CCBE1: variants seen among roughly 807,000 people sequenced by gnomAD.
CCBE1 encodes collagen and calcium binding EGF domains 1, also known as collagen and calcium-binding EGF domain-containing protein 1.
A neutral mutation model predicts 50.0 loss-of-function variants in CCBE1; 37 were observed. The observed-to-expected ratio is 0.74, with a 90% confidence interval of 0.57 to 0.97. The LOEUF is 0.97. Among genes scored for constraint, CCBE1 ranks in the 50% least tolerant of loss-of-function variants. The pLI, the probability that CCBE1 is intolerant of heterozygous loss-of-function variation, is 0.00. For synonymous variants in CCBE1, 234 were observed against 203.7 expected (o/e 1.15, Z -1.27); for missense variants, 538 against 523.8 (o/e 1.03, Z -0.26).
At chr18:59,542,928 G>A (rs1185969869) in intron 2 of CCBE1, among the ~76,000 whole-genome samples, 1 of 152,142 alleles carries the variant, frequency 6.6e-6, no homozygotes, top group Non-Finnish European at 1.5e-5. Flanking sequence ...AACCCCACTA[G>A]GGATGAAGGC....
chr18:59,610,317 G>T (rs77454627), intron 2 of CCBE1, among the ~76,000 whole-genome samples: 7,845 of 152,100 alleles, frequency 0.052, 555 homozygotes, highest in African/African-American at 0.16. Flanking sequence ...TTTTTTGCAG[G>T]TATTAAGATA....
chr18:59,689,440 T>G (rs532152546), intron 2 of CCBE1, among the ~76,000 whole-genome samples: 1 of 152,300 alleles, frequency 6.6e-6, no homozygotes, highest in Non-Finnish European at 1.5e-5. Flanking sequence ...AGCTTTCACA[T>G]TGGCTCTTGG....
intron 2 of CCBE1, among the ~76,000 whole-genome samples, chr18:59,667,120 AT>A (rs200246908): frequency 0.01 from 1,551 of 152,092 alleles, 19 homozygotes; most frequent in African/African-American, 0.033. Flanking sequence ...CAAAAAAAAA[AT>A]AGCCAGGCCT....
At position 59,668,129 on chromosome 18, in the gene CCBE1, A is replaced by T. The variant is rs536003295; in HGVS notation, c.212+28500T>A. 3.3e-3 allele frequency among the ~76,000 whole-genome samples: 507 copies of T among 152,196 alleles called. 4 individuals are homozygous for T. Among genetic ancestry groups the T allele is most frequent in the African/African-American group, 0.01 (417 of 41,492 alleles). On this transcript the variant is annotated intron_variant, in intron 2 of 10. Transcript: ENST00000439986. ...TATCCCAGAACTTAAAGTATAATTTAAAAAAATTGGCCGGACATGGTGGCT... is the reference window on the plus strand; with the variant it reads ...TATCCCAGAACTTAAAGTATAATTTTAAAAAATTGGCCGGACATGGTGGCT...
At chr18:59,471,930 A>C (rs1002238470) in intron 3 of CCBE1, among the ~76,000 whole-genome samples, 27 of 152,332 alleles carry the variant, frequency 1.8e-4, no homozygotes, top group African/African-American at 6.5e-4. Context: ...CCGGAGGTTG[A>C]GGTAGGAGGC....
chr18:59,661,742 A>G (rs1326652137), intron 2 of CCBE1, among the ~76,000 whole-genome samples: 2 of 152,056 alleles, frequency 1.3e-5, no homozygotes, highest in African/African-American at 4.8e-5. Flanking sequence ...CCGAGGCGGG[A>G]GGATGACTTG....
intron 2 of CCBE1, among the ~76,000 whole-genome samples, chr18:59,577,091 G>A (rs1346546724): frequency 3.3e-5 from 5 of 152,330 alleles, no homozygotes; most frequent in Admixed American, 1.3e-4. Context: ...ACTTGTGTTC[G>A]TGGAGACGCA....
Position 59,439,728 on chromosome 18 carries a change from C to T in CCBE1, c.864G>A (p.Met288Ile), listed in dbSNP as rs1356812667. 2.5e-6 allele frequency: 4 copies of T among 1,614,244 alleles called. No individual in the cohort carries two copies. The highest frequency in any genetic ancestry group is 2.2e-5 in the South Asian group (2 of 91,084). ...TGTGGGACAGATCAGGAGATGGTCC[C>T]ATGGGTCCCATTGAGCCCCGTGGGC... is the stretch of plus-strand genomic sequence containing the variant. Reference protein sequence around the residue: ...QPGPRGSMGPMGPSPDLSHIK... With the variant: ...QPGPRGSMGPIGPSPDLSHIK... The change falls in exon 8 of 11, where the codon ATG becomes ATA. Residue 288 changes from methionine to isoleucine, a missense_variant. By Grantham distance (10) the Met-to-Ile change is conservative. Transcript: ENST00000439986.
intron 2 of CCBE1, among the ~76,000 whole-genome samples, chr18:59,611,745 T>TA (rs560927223): frequency 1.5e-3 from 228 of 148,784 alleles, no homozygotes; most frequent in Middle Eastern, 3.5e-3. Context: ...AACTCTGTCT[T>TA]AAAAAAAAAA....
At chr18:59,659,440 A>G (rs1459025350) in intron 2 of CCBE1, among the ~76,000 whole-genome samples, 1 of 152,186 alleles carries the variant, frequency 6.6e-6, no homozygotes, top group East Asian at 1.9e-4. Context: ...CGGGCATGAA[A>G]AGGTGGGGAG....
chr18:59,686,736 T>TA (rs1340706481), intron 2 of CCBE1, among the ~76,000 whole-genome samples: 2 of 152,232 alleles, frequency 1.3e-5, no homozygotes, highest in African/African-American at 2.4e-5. Flanking sequence ...GTTTCAGATA[T>TA]AAGTTGTTGC....
chr18:59,468,620 G>T (rs1290487408), intron 4 of CCBE1, among the ~76,000 whole-genome samples: 1 of 151,998 alleles, frequency 6.6e-6, no homozygotes, highest in Non-Finnish European at 1.5e-5. Context: ...CTCAGAAATG[G>T]TGCTCCCTAG....
intron 2 of CCBE1, among the ~76,000 whole-genome samples, chr18:59,511,535 A>T (rs1299961594): frequency 6.6e-6 from 1 of 152,226 alleles, no homozygotes; most frequent in Non-Finnish European, 1.5e-5. Context: ...ATTTTCTTAC[A>T]TTCATATAAT....
At chr18:59,684,629 C>T (rs1476239995) in intron 2 of CCBE1, among the ~76,000 whole-genome samples, 2 of 152,216 alleles carry the variant, frequency 1.3e-5, no homozygotes, top group Admixed American at 6.5e-5. Flanking sequence ...AATGCAGTTG[C>T]ATTTCCTTTT....
At chr18:59,583,656 T>TGC (rs2053121223) in intron 2 of CCBE1, among the ~76,000 whole-genome samples, 1 of 109,736 alleles carries the variant, frequency 9.1e-6, no homozygotes, top group Non-Finnish European at 2.0e-5. Flanking sequence ...CTGCTTTGCG[T>TGC]GTGTGTGTGT....
At chr18:59,671,718 T>C (rs1169389209) in intron 2 of CCBE1, among the ~76,000 whole-genome samples, 1 of 146,862 alleles carries the variant, frequency 6.8e-6, no homozygotes, top group Non-Finnish European at 1.5e-5. Flanking sequence ...GATGAGGTGA[T>C]ACAAGCCTGA....
At chr18:59,684,180 A>G (rs1023685781) in intron 2 of CCBE1, among the ~76,000 whole-genome samples, 7 of 152,158 alleles carry the variant, frequency 4.6e-5, no homozygotes, top group South Asian at 4.1e-4. Context: ...CTCATGCCTT[A>G]TCATTAAATC....
At chr18:59,556,683 CAATT>C (rs2052661537) in intron 2 of CCBE1, among the ~76,000 whole-genome samples, 1 of 152,106 alleles carries the variant, frequency 6.6e-6, no homozygotes, top group Non-Finnish European at 1.5e-5. Flanking sequence ...CTGAAATTAA[CAATT>C]ATTTGGAAAA....
At chr18:59,444,875 C>T (rs1422097335) in intron 7 of CCBE1, among the ~76,000 whole-genome samples, 2 of 151,974 alleles carry the variant, frequency 1.3e-5, no homozygotes, top group African/African-American at 4.8e-5. Context: ...CTATTCAAGT[C>T]CTTTTCCCAT....
Sources: allele counts gnomAD v4.1 joint callset (sites outside exome capture counted in the v4.1 genomes callset), GRCh38; gene constraint gnomAD v4.1.1; transcripts MANE v1.5; gene names NCBI Gene and HGNC (gene_info 2026-07-23, HGNC 2026-07-21).